CCL24: variants seen among roughly 807,000 people sequenced by gnomAD.
CCL24 encodes the protein C-C motif chemokine 24.
A neutral mutation model predicts 8.6 loss-of-function variants in CCL24; 6 were observed. The ratio of observed to expected loss-of-function variants is 0.70; its 90% CI spans 0.38 to 1.38. The LOEUF (loss-of-function observed/expected upper bound fraction) is 1.38, where lower values mean the gene tolerates loss of function less well. Ranked by LOEUF, CCL24 falls within the 40% of genes most tolerant of loss-of-function variation. The pLI is 0.02. For synonymous variants in CCL24, 59 were observed against 52.7 expected, an observed-to-expected ratio of 1.12 and a Z score of -0.52; for missense variants, 126 against 147.1, an observed-to-expected ratio of 0.86 and a Z score of 0.74.
upstream of CCL24, among the ~76,000 whole-genome samples, chr7:75,817,815 G>A (rs1803924135): frequency 6.9e-6 from 1 of 144,950 alleles, no homozygotes; most frequent in Admixed American, 7.0e-5. Flanking sequence ...AACACCCAAT[G>A]TTTTGTTGCT....
At chr7:75,816,453 A>T (rs1803892497), upstream of CCL24, among the ~76,000 whole-genome samples, 1 of 152,164 alleles carries the variant, frequency 6.6e-6, no homozygotes, top group African/African-American at 2.4e-5. Flanking sequence ...CCATCAGCCA[A>T]CAGTAATTAT....
At chr7:75,820,746 T>G (rs979265780) in intron 1 of CCL24, among the ~76,000 whole-genome samples, 1 of 147,562 alleles carries the variant, frequency 6.8e-6, no homozygotes, top group Admixed American at 6.8e-5. Context: ...TACCCACCCA[T>G]GCATCCACCC....
chr7:75,819,848 C>T (rs1323179039), intron 1 of CCL24, among the ~76,000 whole-genome samples: 3 of 151,840 alleles, frequency 2.0e-5, no homozygotes, highest in Non-Finnish European at 4.4e-5. Context: ...AGTCCCTGAC[C>T]TGCTAAAAAC....
chr7:75,812,328 C>T (rs980944977), intron 2 of CCL24, among the ~76,000 whole-genome samples: 2 of 152,142 alleles, frequency 1.3e-5, no homozygotes, highest in Admixed American at 6.6e-5. Context: ...CTTAAGCAAC[C>T]CTCCTGCCTC....
upstream of CCL24, among the ~76,000 whole-genome samples, chr7:75,815,340 TAA>T (rs781838332): frequency 2.6e-4 from 33 of 128,144 alleles, no homozygotes; most frequent in Admixed American, 3.2e-4. Context: ...TCCTGTCTCT[TAA>T]AAAAAAAAAA....
intron 1 of CCL24, among the ~76,000 whole-genome samples, chr7:75,822,389 C>T (rs781855141): frequency 2.6e-5 from 4 of 152,168 alleles, no homozygotes; most frequent in Non-Finnish European, 4.4e-5. Flanking sequence ...GTGCACCTCC[C>T]AGGATGGTGG....
At chr7:75,815,035 G>T (rs1265963882), upstream of CCL24, among the ~76,000 whole-genome samples, 1 of 152,064 alleles carries the variant, frequency 6.6e-6, no homozygotes, top group East Asian at 1.9e-4. Flanking sequence ...GTGGGAGGAA[G>T]GGAAACATAG....
intron 2 of CCL24, 81 bp downstream of exon 2, chr7:75,813,225 G>A: frequency 2.5e-6 from 2 of 791,902 alleles, no homozygotes; most frequent in African/African-American, 1.7e-5. Context: ...AGCTGGGGCT[G>A]GCTGACCTTG....
rs200259580 is a variant in CCL24, at chr7:75,811,931, G to A, written c.225C>T (p.Gly75=). Reference sequence around the variant, plus strand: ...TCTGGACCCACTCCTGCTTGGGGTCGCCACAGAACTGCTGGCCCTTCTTGG... The same window carrying A: ...TCTGGACCCACTCCTGCTTGGGGTCACCACAGAACTGCTGGCCCTTCTTGG... ...FTTKKGQQFC[G]DPKQEWVQRY... Residue 75 remains glycine, a synonymous_variant, in exon 3 of 3, where the codon GGC becomes GGT. Transcript: ENST00000222902. 17 of 1,610,320 alleles carry A rather than the reference G, an allele frequency of 1.1e-5. No individual in the cohort carries two copies. Among genetic ancestry groups the A allele is most frequent in the African/African-American group, 8.1e-5 (6 of 73,998 alleles).
At chr7:75,812,031 C>T (rs575462933) in intron 2 of CCL24, 67 bp from the exon 3 acceptor site, 16 of 1,392,946 alleles carry the variant, frequency 1.1e-5, no homozygotes, top group South Asian at 1.0e-4. Context: ...CACTTCATGG[C>T]GGGGGGGATG....
rs189980419 is a variant in CCL24, at chr7:75,820,679, T to A, written c.-60+2643A>T. 2.6e-5 allele frequency among the ~76,000 whole-genome samples: 3 copies of A among 115,652 alleles called. No individual in the cohort carries two copies. In the East Asian group the frequency reaches 9.4e-4, roughly 36 times the overall value. The allele number at this position is 115,652 out of a possible 152,430, so 75.9% of individuals were successfully genotyped here. ...CACCCATCTATCCATCATCCATCCATCCATCCACTTATTCATCCATCCACC... is the reference window on the plus strand; with the variant it reads ...CACCCATCTATCCATCATCCATCCAACCATCCACTTATTCATCCATCCACC... On this transcript the variant is annotated intron_variant, in intron 1 of 3. Coordinates refer to the CCL24 transcript ENST00000416943.
upstream of CCL24, among the ~76,000 whole-genome samples, chr7:75,817,927 T>A (rs1803927007): frequency 6.6e-6 from 1 of 151,832 alleles, no homozygotes; most frequent in Admixed American, 6.6e-5. Context: ...GCCCCCCAGG[T>A]TCAAGCAATT....
At chr7:75,817,838 TG>T (rs1204322264), upstream of CCL24, among the ~76,000 whole-genome samples, 1 of 150,750 alleles carries the variant, frequency 6.6e-6, no homozygotes, top group Non-Finnish European at 1.5e-5. Context: ...TGTTGTTGTT[TG>T]TTTTGTTTTC....
At chr7:75,819,063 G>C (rs1329915500) in intron 1 of CCL24, among the ~76,000 whole-genome samples, 1 of 149,376 alleles carries the variant, frequency 6.7e-6, no homozygotes, top group African/African-American at 2.5e-5. Flanking sequence ...GAGGTCGGGA[G>C]TTTGGGACCA....
At chr7:75,823,166 G>A (rs1334836945) in intron 1 of CCL24, among the ~76,000 whole-genome samples, 1 of 152,150 alleles carries the variant, frequency 6.6e-6, no homozygotes, top group East Asian at 1.9e-4. Flanking sequence ...GGGCAGTGGG[G>A]TGCCAGGATG....
At chr7:75,821,964 T>C (rs369778393) in intron 1 of CCL24, among the ~76,000 whole-genome samples, 5 of 148,468 alleles carry the variant, frequency 3.4e-5, no homozygotes, top group East Asian at 2.0e-4. Flanking sequence ...TAGCCAGGTG[T>C]GGTGGCACAA....
intron 1 of CCL24, among the ~76,000 whole-genome samples, chr7:75,821,496 A>G (rs1554535078): frequency 6.6e-6 from 1 of 152,174 alleles, no homozygotes; most frequent in Non-Finnish European, 1.5e-5. Flanking sequence ...CTAGGATAAC[A>G]CTTGGGTTTC....
At chr7:75,815,957 G>A (rs1458244690), upstream of CCL24, among the ~76,000 whole-genome samples, 5 of 152,182 alleles carry the variant, frequency 3.3e-5, no homozygotes, top group East Asian at 5.8e-4. Flanking sequence ...CCCTCCCTAC[G>A]GTTCTCTCCA....
chr7:75,816,805 A>G (rs1197884624), upstream of CCL24, among the ~76,000 whole-genome samples: 2 of 144,796 alleles, frequency 1.4e-5, no homozygotes, highest in Admixed American at 1.4e-4. Context: ...CAGGTAATCC[A>G]CCCACCTCGG....
Sources: allele counts gnomAD v4.1 joint callset (sites outside exome capture counted in the v4.1 genomes callset), GRCh38; gene constraint gnomAD v4.1.1; transcripts MANE v1.5; gene names NCBI Gene and HGNC (gene_info 2026-07-23, HGNC 2026-07-21).